NME7: variants seen among roughly 807,000 people sequenced by gnomAD.
NME7 encodes nucleoside diphosphate kinase 7.
In NME7, 41 loss-of-function variants were observed where a neutral mutation model predicts 49.1. The ratio of observed to expected loss-of-function variants is 0.83; its 90% CI spans 0.65 to 1.08. The LOEUF (loss-of-function observed/expected upper bound fraction) is 1.08. Ranked by LOEUF, NME7 falls within the 50% of genes least tolerant of loss-of-function variation. The pLI is 0.00. For missense variants in NME7, 423 were observed against 463.4 expected (o/e 0.91, Z 0.80); for synonymous variants, 139 against 150.6 (o/e 0.92, Z 0.56).
intron 1 of NME7, among the ~76,000 whole-genome samples, chr1:169,332,149 A>C (rs1214578939): frequency 6.6e-6 from 1 of 152,046 alleles, no homozygotes; most frequent in Non-Finnish European, 1.5e-5. Context: ...AGAATAGAGA[A>C]CCCAGAAAAA....
At chr1:169,222,619 C>A (rs1411737305) in intron 10 of NME7, among the ~76,000 whole-genome samples, 1 of 152,070 alleles carries the variant, frequency 6.6e-6, no homozygotes, top group Non-Finnish European at 1.5e-5. Flanking sequence ...AATAGAGGAA[C>A]CCCGGGCTGA....
In NME7 at chr1:169,272,224, T is replaced by C. The variant is rs1161121436; in HGVS notation, c.754+15079A>G. ...AATATATTAAAATTATTAATAGTTA[T>C]TTTGATATCAACTTTCACTTACATA... is the stretch of plus-strand genomic sequence containing the variant. On this transcript the variant is annotated intron_variant, in intron 7 of 11. Transcript: ENST00000367811. Among the ~76,000 whole-genome samples, 4 of 133,528 alleles carry C rather than the reference T, an allele frequency of 3.0e-5. No homozygotes were observed. The East Asian group carries it at 6.0e-4, about 20-fold the overall frequency. The allele number at this position is 133,528 out of a possible 152,430, so 87.6% of individuals were successfully genotyped here.
intron 7 of NME7, among the ~76,000 whole-genome samples, chr1:169,244,335 T>C (rs1648216379): frequency 6.6e-6 from 1 of 152,102 alleles, no homozygotes; most frequent in African/African-American, 2.4e-5. Flanking sequence ...AGAACATCAT[T>C]AAAAATTAAG....
At chr1:169,153,871 T>A (rs2101825132) in intron 11 of NME7, among the ~76,000 whole-genome samples, 1 of 151,944 alleles carries the variant, frequency 6.6e-6, no homozygotes, top group Admixed American at 6.6e-5. Flanking sequence ...GCTAATTTTT[T>A]TTTTTTTTTT....
chr1:169,232,918 T>C (rs60351599), intron 9 of NME7, among the ~76,000 whole-genome samples: 8,187 of 90,384 alleles, frequency 0.091, 66 homozygotes, highest in Non-Finnish European at 0.11. Flanking sequence ...TTTTCTTTTT[T>C]TTTTTTTTTT....
At chr1:169,248,383 T>C (rs1001492703) in intron 7 of NME7, among the ~76,000 whole-genome samples, 1 of 152,172 alleles carries the variant, frequency 6.6e-6, no homozygotes, top group Non-Finnish European at 1.5e-5. Context: ...ATTAGTCCTT[T>C]GCTAGATGTA....
intron 11 of NME7, among the ~76,000 whole-genome samples, chr1:169,167,358 T>A (rs1214441959): frequency 1.3e-5 from 2 of 152,116 alleles, no homozygotes; most frequent in African/African-American, 2.4e-5. Context: ...AATTTTTTTT[T>A]AAAAGACTAA....
intron 7 of NME7, among the ~76,000 whole-genome samples, chr1:169,261,976 A>AT (rs1649179017): frequency 7.5e-6 from 1 of 134,028 alleles, no homozygotes; most frequent in African/African-American, 2.5e-5. Context: ...AAGATGCCTT[A>AT]TACCACTTGA....
intron 3 of NME7, among the ~76,000 whole-genome samples, chr1:169,315,821 A>G (rs553756931): frequency 9.2e-5 from 14 of 152,322 alleles, no homozygotes; most frequent in African/African-American, 3.1e-4. Context: ...TAAAAATTAC[A>G]TATCAAAAAT....
At chr1:169,309,879 TTTTTAA>T (rs1409801177) in intron 4 of NME7, 85 bp downstream of exon 4, 2 of 794,620 alleles carry the variant, frequency 2.5e-6, no homozygotes, top group African/African-American at 3.6e-5. Flanking sequence ...AATACGAGGT[TTTTTAA>T]TTTTAAACAA....
chr1:169,326,300 T>C (rs1182085445), intron 1 of NME7, among the ~76,000 whole-genome samples: 3 of 152,156 alleles, frequency 2.0e-5, no homozygotes, highest in African/African-American at 7.2e-5. Context: ...CTTCTGGCTA[T>C]GACAAAGTAG....
intron 11 of NME7, among the ~76,000 whole-genome samples, chr1:169,135,014 CAAAAAAAAAAAA>C (rs58463903): frequency 6.2e-4 from 31 of 50,392 alleles, no homozygotes; most frequent in South Asian, 1.1e-3. Context: ...CCCGTCTCTA[CAAAAAAAAAAAA>C]AAAAAAAAAA....
chr1:169,167,914 G>A (rs1659461329), intron 11 of NME7, among the ~76,000 whole-genome samples: 1 of 152,180 alleles, frequency 6.6e-6, no homozygotes, highest in Non-Finnish European at 1.5e-5. Flanking sequence ...TCGGGTATGA[G>A]CAGGGCAGGA....
chr1:169,206,272 T>TGTA (rs1308862994), intron 10 of NME7, among the ~76,000 whole-genome samples: 3 of 152,162 alleles, frequency 2.0e-5, no homozygotes, highest in Admixed American at 6.6e-5. Flanking sequence ...GTACTTAGTA[T>TGTA]GTAGTAAGTC....
At chr1:169,143,456 T>G (rs72706975) in intron 11 of NME7, among the ~76,000 whole-genome samples, 14,800 of 152,018 alleles carry the variant, frequency 0.097, 964 homozygotes, top group Admixed American at 0.2. Flanking sequence ...GAAACCTTTC[T>G]TAATCCCCCA....
At chr1:169,160,627 A>G (rs1659216263) in intron 11 of NME7, among the ~76,000 whole-genome samples, 1 of 152,210 alleles carries the variant, frequency 6.6e-6, no homozygotes, top group Non-Finnish European at 1.5e-5. Context: ...AATGATATAC[A>G]TTAAATGTTT....
intron 10 of NME7, among the ~76,000 whole-genome samples, chr1:169,212,599 C>CTTT (rs71121740): frequency 0.056 from 6,548 of 116,366 alleles, 274 homozygotes; most frequent in Admixed American, 0.098. Context: ...AACAAATGTC[C>CTTT]TTTTTTTTTT....
At chr1:169,258,392 A>G (rs71523136) in intron 7 of NME7, among the ~76,000 whole-genome samples, 10,090 of 95,722 alleles carry the variant, frequency 0.11, 2,788 homozygotes, top group East Asian at 0.79. Flanking sequence ...ATATATATAT[A>G]TATATATATA....
At chr1:169,178,493 G>A (rs1659828160) in intron 10 of NME7, among the ~76,000 whole-genome samples, 1 of 152,116 alleles carries the variant, frequency 6.6e-6, no homozygotes, top group Non-Finnish European at 1.5e-5. Context: ...TTCTAGGTAT[G>A]GGAAGGTACT....
Sources: gnomAD v4.1 joint callset for allele counts (sites outside exome capture counted in the v4.1 genomes callset) on GRCh38, gnomAD v4.1.1 for gene constraint, MANE v1.5 for transcripts, NCBI Gene and HGNC (gene_info 2026-07-23, HGNC 2026-07-21) for gene names.